TACC1: variants seen among roughly 807,000 people sequenced by gnomAD.
TACC1 encodes the protein transforming acidic coiled-coil-containing protein 1.
A neutral mutation model predicts 84.4 loss-of-function variants in TACC1; 48 were observed. That is an observed-to-expected ratio of 0.57 (90% CI 0.45 to 0.72). The LOEUF (loss-of-function observed/expected upper bound fraction) is 0.72. TACC1 is among the 30% of genes least tolerant of loss of function. The probability of loss-of-function intolerance (pLI) is 0.00; values close to 1 mark genes in which losing one functional copy is unlikely to be tolerated. For synonymous variants in TACC1, 372 were observed against 376.3 expected (o/e 0.99, Z 0.13); for missense variants, 920 against 973.0 (o/e 0.95, Z 0.72).
intron 2 of TACC1, among the ~76,000 whole-genome samples, chr8:38,798,637 G>GTGTGTGTA (rs1217304367): frequency 1.3e-5 from 2 of 151,338 alleles, no homozygotes; most frequent in Non-Finnish European, 2.9e-5. Flanking sequence ...GTGTGTGTGT[G>GTGTGTGTA]TGTATGTGTA....
At chr8:38,757,236 C>A in intron 3 of TACC1, 1 of 721,066 alleles carries the variant, frequency 1.4e-6, no homozygotes, top group Non-Finnish European at 1.8e-6. Flanking sequence ...CTCGCCCCAC[C>A]CTTCCTCCCG....
chr8:38,785,764 T>G (rs1817016574), upstream of TACC1: 1 of 973,538 alleles, frequency 1.0e-6, no homozygotes, highest in African/African-American at 1.8e-5. Context: ...ACTACAACAG[T>G]TGGATAAGTG....
Position 38,852,923 on chromosome 8 carries a change from T to G in TACC1, c.*4900T>G, listed in dbSNP as rs1475502584. On this transcript the variant is annotated 3_prime_UTR_variant, in exon 13 of 13. Coordinates refer to ENST00000317827, the MANE Select transcript of TACC1 (RefSeq NM_006283.3). ...ATGCACAGTAATTTCCCTTTTTATATGTCAAGTAACTATTTGTAAAAGTTA... is the reference window on the plus strand; with the variant it reads ...ATGCACAGTAATTTCCCTTTTTATAGGTCAAGTAACTATTTGTAAAAGTTA... 1 of 152,666 alleles carries G rather than the reference T, an allele frequency of 6.6e-6. No homozygotes were observed. The highest frequency in any genetic ancestry group is 2.4e-5 in the African/African-American group (1 of 41,464). The allele number at this position is 152,666 out of a possible 1,614,324, so 9.5% of individuals were successfully genotyped here. A position where few individuals can be genotyped will look rare whatever the true frequency, so the allele number is the denominator to read the frequency against.
At chr8:38,768,887 C>CG (rs1047536363) in intron 3 of TACC1, among the ~76,000 whole-genome samples, 10 of 123,820 alleles carry the variant, frequency 8.1e-5, no homozygotes, top group African/African-American at 2.8e-4. Context: ...GTAAGACTGT[C>CG]GGGGGAGGTG....
intron 7 of TACC1, among the ~76,000 whole-genome samples, chr8:38,838,065 G>C (rs969570689): frequency 3.9e-5 from 6 of 152,252 alleles, no homozygotes; most frequent in African/African-American, 1.4e-4. Context: ...CTTTGTGGCA[G>C]TTTCACTCTG....
chr8:38,796,295 T>C (rs1819958316), intron 2 of TACC1, among the ~76,000 whole-genome samples: 1 of 152,240 alleles, frequency 6.6e-6, no homozygotes, highest in Admixed American at 6.5e-5. Flanking sequence ...CAGAGCTCTT[T>C]GGAACATATT....
chr8:38,815,665 C>T (rs563776005), intron 2 of TACC1, among the ~76,000 whole-genome samples: 73 of 152,162 alleles, frequency 4.8e-4, no homozygotes, highest in African/African-American at 1.5e-3. Flanking sequence ...GTGATCTGCC[C>T]GCCTCGGCCT....
At chr8:38,840,367 A>T (rs1831017909) in intron 9 of TACC1, 100 bp downstream of exon 9, 1 of 1,087,504 alleles carries the variant, frequency 9.2e-7, no homozygotes, top group Admixed American at 2.1e-5. Context: ...TAGCTTATAA[A>T]CAACAAACAT....
At chr8:38,835,081 G>A (rs1230447308) in intron 6 of TACC1, among the ~76,000 whole-genome samples, 2 of 152,096 alleles carry the variant, frequency 1.3e-5, no homozygotes, top group Admixed American at 6.5e-5. Context: ...GTGAAACCCC[G>A]TCTCTACTAA....
Position 38,793,737 on chromosome 8 carries a change from A to G in TACC1, c.277+4918A>G, listed in dbSNP as rs958648722. 1.6e-4 allele frequency among the ~76,000 whole-genome samples: 25 copies of G among 152,106 alleles called. No individual in the cohort carries two copies. In the South Asian group the frequency reaches 3.1e-3, roughly 19 times the overall value. ...GCTGGGATTTCAGGTTTGAACCACCACTGTCATCCCCATAAATAAAGTTAT... is the reference window on the plus strand; with the variant it reads ...GCTGGGATTTCAGGTTTGAACCACCGCTGTCATCCCCATAAATAAAGTTAT... On this transcript the variant is annotated intron_variant, in intron 2 of 12. Coordinates refer to ENST00000317827, the MANE Select transcript of TACC1 (RefSeq NM_006283.3).
In TACC1 at chr8:38,824,909, G is replaced by C. The variant is rs539702997; in HGVS notation, c.1392-399G>C. On this transcript the variant is annotated intron_variant, in intron 3 of 12. Coordinates refer to ENST00000317827, the MANE Select transcript of TACC1 (RefSeq NM_006283.3). ...GAATTTTTAAAGAATTTGGTCCAGC[G>C]TGATGATTTTTCTAATGAATGTCAA... The C allele has an allele frequency of 4.6e-5, 8 of 172,204 alleles. No individual in the cohort carries two copies. In the South Asian group the frequency reaches 1.2e-3, roughly 26 times the overall value. 10.7% of individuals were successfully genotyped at this position (172,204 alleles called of 1,614,324 possible).
At chr8:38,823,667 T>G (rs1827372719) in intron 3 of TACC1, among the ~76,000 whole-genome samples, 1 of 152,216 alleles carries the variant, frequency 6.6e-6, no homozygotes, top group African/African-American at 2.4e-5. Flanking sequence ...TAAGGCCTTA[T>G]GCAATCAAAA....
At chr8:38,796,113 G>T (rs1302380331) in intron 2 of TACC1, among the ~76,000 whole-genome samples, 1 of 152,182 alleles carries the variant, frequency 6.6e-6, no homozygotes, top group African/African-American at 2.4e-5. Flanking sequence ...TTTATTAGAT[G>T]TGTTGGGAAC....
At chr8:38,766,987 C>T (rs554011210) in intron 3 of TACC1, among the ~76,000 whole-genome samples, 1 of 152,330 alleles carries the variant, frequency 6.6e-6, no homozygotes, top group African/African-American at 2.4e-5. Flanking sequence ...GAGAAAACAT[C>T]GCCCAGCCCA....
intron 2 of TACC1, among the ~76,000 whole-genome samples, chr8:38,813,185 T>C (rs1409875684): frequency 2.6e-5 from 4 of 152,206 alleles, no homozygotes; most frequent in Non-Finnish European, 5.9e-5. Flanking sequence ...ACCACCTTGA[T>C]CCACATTCCT....
chr8:38,852,160 A>G lies in TACC1; in HGVS notation c.*4137A>G, dbSNP rs1005855416. ...GCACTTTTTTGTAGTTTTTTGTCCA[A>G]ATGCAATCCCATTTCTGTGCCTCTT... On this transcript the variant is annotated 3_prime_UTR_variant, in exon 13 of 13. Coordinates refer to ENST00000317827, the MANE Select transcript of TACC1 (RefSeq NM_006283.3). 1.0e-5 allele frequency: 3 copies of G among 292,596 alleles called. No individual in the cohort carries two copies. Among genetic ancestry groups the G allele is most frequent in the African/African-American group, 6.5e-5 (3 of 45,916 alleles). 18.1% of individuals were successfully genotyped at this position (292,596 alleles called of 1,614,324 possible). A position where few individuals can be genotyped will look rare whatever the true frequency, so the allele number is the denominator to read the frequency against.
rs1452397220 is a variant in TACC1, at chr8:38,787,751, C to G, written c.161+8C>G. ...CAAATCCTTGAGTTTCAGGCAAGTA[C>G]ACGGCGTCCCCGCTGAGATGCAGAC... On this transcript the variant is annotated splice_region_variant and intron_variant, in intron 1 of 12. Coordinates refer to ENST00000317827, the MANE Select transcript of TACC1 (RefSeq NM_006283.3). 6.6e-7 allele frequency: 1 copy of G among 1,521,438 alleles called. No homozygotes were observed. Among genetic ancestry groups the G allele is most frequent in the Non-Finnish European group, 8.7e-7 (1 of 1,143,296 alleles). 94.2% of individuals were successfully genotyped at this position (1,521,438 alleles called of 1,614,324 possible). A position where few individuals can be genotyped will look rare whatever the true frequency, so the allele number is the denominator to read the frequency against.
At chr8:38,825,998 C>T (rs542428706) in intron 4 of TACC1, among the ~76,000 whole-genome samples, 1 of 152,300 alleles carries the variant, frequency 6.6e-6, no homozygotes, top group Admixed American at 6.5e-5. Context: ...AATATCCATC[C>T]ATGACCGTAT....
At position 38,820,409 on chromosome 8, in the gene TACC1, T is replaced by C. The variant is rs1313895020; in HGVS notation, c.1165T>C (p.Trp389Arg). 6.8e-6 allele frequency: 11 copies of C among 1,614,044 alleles called. No individual in the cohort carries two copies. Among genetic ancestry groups the C allele is most frequent in the Non-Finnish European group, 8.5e-6 (10 of 1,180,028 alleles). Residue 389 changes from tryptophan to arginine, a missense_variant, in exon 3 of 13, where the codon TGG becomes CGG. Physicochemically the swap from Trp to Arg is moderately radical, Grantham distance 101. Around this residue, in one of 2 missense-constraint regions of TACC1, gnomAD observed 762 missense variants for 747.3 expected, o/e 1.02. Coordinates refer to ENST00000317827, the MANE Select transcript of TACC1 (RefSeq NM_006283.3). ...ATCTTCCAAGCCAGATCCTAGTCAG[T>C]GGGAAAGCCCCAGCTTCAACCCCTT... ...QTSSKPDPSQWESPSFNPFGS... is the reference protein window; with the variant it reads ...QTSSKPDPSQRESPSFNPFGS...
Sources: gnomAD v4.1 joint callset for allele counts (sites outside exome capture counted in the v4.1 genomes callset) on GRCh38, gnomAD v4.1.1 for gene constraint, gnomAD v4.1.1 regional missense constraint, MANE v1.5 for transcripts, NCBI Gene and HGNC (gene_info 2026-07-23, HGNC 2026-07-21) for gene names.